The following EYA4 variants were observed in gnomAD, a reference collection of about 807,000 sequenced individuals.
EYA4 encodes protein phosphatase EYA4.
EYA4 carries 31 observed loss-of-function variants against 87.9 expected under a neutral mutation model. That is an observed-to-expected ratio of 0.35 (90% CI 0.27 to 0.48). EYA4 has a LOEUF of 0.48. Ranked by LOEUF, EYA4 falls within the 20% of genes least tolerant of loss-of-function variation. The pLI is 0.99. For synonymous variants in EYA4, 263 were observed against 270.6 expected (o/e 0.97, Z 0.28); for missense variants, 678 against 761.4 (o/e 0.89, Z 1.29).
At chr6:133,250,617 G>A (rs1774817888) in intron 1 of EYA4, among the ~76,000 whole-genome samples, 1 of 151,996 alleles carries the variant, frequency 6.6e-6, no homozygotes, top group African/African-American at 2.4e-5. Context: ...ACTCCAGCCT[G>A]GACAACAGAG....
chr6:133,374,981 G>A (rs918901735), intron 2 of EYA4, among the ~76,000 whole-genome samples: 3 of 151,906 alleles, frequency 2.0e-5, no homozygotes, highest in African/African-American at 7.2e-5. Flanking sequence ...TCTCAAATTT[G>A]TATAAACATA....
chr6:133,409,639 A>G (rs867294339), intron 3 of EYA4, among the ~76,000 whole-genome samples: 1 of 152,170 alleles, frequency 6.6e-6, no homozygotes, highest in African/African-American at 2.4e-5. Context: ...AAAATAAAAA[A>G]GTCAAATACA....
At chr6:133,388,785 C>T (rs1012629050) in intron 3 of EYA4, among the ~76,000 whole-genome samples, 9 of 152,176 alleles carry the variant, frequency 5.9e-5, no homozygotes, top group East Asian at 1.9e-4. Flanking sequence ...TCATTCATAC[C>T]GTGTTTATTT....
chr6:133,293,190 C>T (rs1045053779), intron 2 of EYA4, among the ~76,000 whole-genome samples: 5 of 152,102 alleles, frequency 3.3e-5, no homozygotes, highest in African/African-American at 1.2e-4. Flanking sequence ...TTGTTATGCC[C>T]TCACCATCCA....
intron 2 of EYA4, among the ~76,000 whole-genome samples, chr6:133,286,651 T>G (rs1210626962): frequency 6.6e-6 from 1 of 152,194 alleles, no homozygotes; most frequent in Non-Finnish European, 1.5e-5. Flanking sequence ...ACCTCTATCA[T>G]AGCAGAAAGA....
intron 1 of EYA4, among the ~76,000 whole-genome samples, chr6:133,265,861 C>T (rs958268473): frequency 2.6e-5 from 4 of 152,182 alleles, no homozygotes; most frequent in Non-Finnish European, 4.4e-5. Flanking sequence ...TCTTATGCTC[C>T]AATATCTTTC....
intron 2 of EYA4, among the ~76,000 whole-genome samples, chr6:133,376,366 G>A (rs189658509): frequency 7.8e-4 from 119 of 151,850 alleles, no homozygotes; most frequent in African/African-American, 2.5e-3. Flanking sequence ...TATAGTTGCT[G>A]AATCCACCTT....
At chr6:133,433,119 T>C (rs917570233) in intron 3 of EYA4, among the ~76,000 whole-genome samples, 37 of 152,244 alleles carry the variant, frequency 2.4e-4, no homozygotes, top group Admixed American at 2.4e-3. Context: ...TTGTATAGCA[T>C]AATAAACTAT....
At chr6:133,305,374 A>G (rs763849061) in intron 2 of EYA4, among the ~76,000 whole-genome samples, 2 of 152,194 alleles carry the variant, frequency 1.3e-5, no homozygotes, top group Non-Finnish European at 2.9e-5. Flanking sequence ...GGGCAAGGGC[A>G]CGAGGAAGAC....
chr6:133,306,499 T>C (rs1251923066), intron 2 of EYA4, among the ~76,000 whole-genome samples: 1 of 152,224 alleles, frequency 6.6e-6, no homozygotes, highest in Non-Finnish European at 1.5e-5. Context: ...AAGTGTATTC[T>C]CCAAGGGAAG....
At chr6:133,272,868 C>T (rs1776818388) in intron 1 of EYA4, among the ~76,000 whole-genome samples, 1 of 152,012 alleles carries the variant, frequency 6.6e-6, no homozygotes. Context: ...TGATCTCAAC[C>T]TATTTTCAAA....
At chr6:133,519,978 C>T (rs1369112479) in intron 17 of EYA4, among the ~76,000 whole-genome samples, 4 of 152,104 alleles carry the variant, frequency 2.6e-5, no homozygotes, top group East Asian at 1.9e-4. Flanking sequence ...ATTGATGGGA[C>T]GTATTTCAAA....
intron 2 of EYA4, among the ~76,000 whole-genome samples, chr6:133,381,472 G>A (rs1164955371): frequency 2.6e-5 from 4 of 152,022 alleles, no homozygotes; most frequent in African/African-American, 9.7e-5. Flanking sequence ...TTGCACACAT[G>A]TTCCTCATGG....
At chr6:133,252,447 C>G (rs1774983640) in intron 1 of EYA4, among the ~76,000 whole-genome samples, 1 of 152,138 alleles carries the variant, frequency 6.6e-6, no homozygotes, top group South Asian at 2.1e-4. Context: ...TGTGAATTCT[C>G]AGATCCAAAC....
rs1468315781 is a variant in EYA4, at chr6:133,274,734, A to G, written c.-47A>G. The G allele has an allele frequency of 6.4e-7, 1 of 1,559,996 alleles. No homozygotes were observed. Among genetic ancestry groups the G allele is most frequent in the South Asian group, 1.1e-5 (1 of 89,770 alleles). ...GTTTTAGATAGTCATTTTTACTTGA[A>G]GGAAGCTGCTTCTACTTGGGAGTGG... On this transcript the variant is annotated 5_prime_UTR_variant, in exon 2 of 20. Transcript: ENST00000355286.
chr6:133,407,214 T>A (rs776311072), intron 3 of EYA4, among the ~76,000 whole-genome samples: 1 of 151,790 alleles, frequency 6.6e-6, no homozygotes, highest in East Asian at 1.9e-4. Flanking sequence ...TATCACATAG[T>A]TTTATCAACC....
At chr6:133,435,940 G>A (rs1791629695) in intron 3 of EYA4, among the ~76,000 whole-genome samples, 1 of 152,094 alleles carries the variant, frequency 6.6e-6, no homozygotes, top group Non-Finnish European at 1.5e-5. Context: ...AAACTTCCAG[G>A]CTGGGCGCGG....
intron 2 of EYA4, among the ~76,000 whole-genome samples, chr6:133,278,282 A>G (rs1037299209): frequency 6.6e-6 from 1 of 151,690 alleles, no homozygotes; most frequent in South Asian, 2.1e-4. Context: ...CTCTCAGACT[A>G]CCTCCTTTCT....
chr6:133,521,043 C>T (rs1355566103), intron 17 of EYA4, among the ~76,000 whole-genome samples: 2 of 151,430 alleles, frequency 1.3e-5, no homozygotes, highest in African/African-American at 2.4e-5. Flanking sequence ...CCATTCAGGA[C>T]ATAGGCATGG....
Sources: gnomAD v4.1 joint callset for allele counts (sites outside exome capture counted in the v4.1 genomes callset) on GRCh38, gnomAD v4.1.1 for gene constraint, MANE v1.5 for transcripts, NCBI Gene and HGNC (gene_info 2026-07-23, HGNC 2026-07-21) for gene names.